The following LRRC9 variants were observed in gnomAD, a reference collection of about 807,000 sequenced individuals.
LRRC9 encodes leucine rich repeat containing 9, also known as leucine-rich repeat-containing protein 9.
LRRC9 carries 122 observed loss-of-function variants against 63.2 expected under a neutral mutation model. The observed-to-expected ratio is 1.93, with a 90% CI of 1.67 to 2.24. LRRC9 has a LOEUF of 2.24. Among genes scored for constraint, LRRC9 ranks in the 30% most tolerant of loss-of-function variants. LRRC9 has a pLI of 0.00. For missense variants in LRRC9, 1,071 were observed against 627.7 expected (o/e 1.71, Z -7.55); for synonymous variants, 366 against 213.1 (o/e 1.72, Z -6.25).
Position 59,958,767 on chromosome 14 carries a change from G to A in LRRC9, c.883-1051G>A, listed in dbSNP as rs566412671. Among the ~76,000 whole-genome samples, 3 of 152,332 alleles carry A rather than the reference G, an allele frequency of 2.0e-5. No individual in the cohort carries two copies. Among genetic ancestry groups the A allele is most frequent in the Non-Finnish European group, 4.4e-5 (3 of 68,028 alleles). On this transcript the variant is annotated intron_variant, in intron 8 of 31. Coordinates refer to ENST00000445360, the Ensembl canonical transcript of LRRC9. The surrounding 1 kb of genome is among the most constrained non-coding windows in gnomAD (Gnocchi z 4.0). ...AGCCCTGGTGGTATAGGCACACGAGGGAATCTCCTGATCTGCAGATTGCAA... is the reference window on the plus strand; with the variant it reads ...AGCCCTGGTGGTATAGGCACACGAGAGAATCTCCTGATCTGCAGATTGCAA...
rs925344976 is a variant in LRRC9 at position 59,966,855 on chromosome 14, T to C, written c.1388+90T>C. On this transcript the variant is annotated intron_variant, in intron 11 of 31. Coordinates refer to ENST00000445360, the Ensembl canonical transcript of LRRC9. The surrounding 1 kb of genome is among the most constrained non-coding windows in gnomAD (Gnocchi z 4.0). ...TTTTAAAAGTTTACAGCATTAAAAA[T>C]ATACATATACCTTGTTAGTAAATGT... The C allele has an allele frequency of 2.1e-5, 12 of 566,016 alleles. No individual in the cohort carries two copies. Among genetic ancestry groups the C allele is most frequent in the Non-Finnish European group, 3.2e-5 (10 of 317,140 alleles). The allele number at this position is 566,016 out of a possible 1,614,324, so 35.1% of individuals were successfully genotyped here.
chr14:59,927,970 A>G lies in LRRC9; in HGVS notation c.27A>G (p.Gln9=). 1.5e-6 allele frequency: 1 copy of G among 686,198 alleles called. No individual in the cohort carries two copies. The highest frequency in any genetic ancestry group is 2.6e-6 in the Non-Finnish European group (1 of 377,918). 42.5% of individuals were successfully genotyped at this position (686,198 alleles called of 1,614,324 possible). A position where few individuals can be genotyped will look rare whatever the true frequency, so the allele number is the denominator to read the frequency against. The change falls in exon 2 of 32, where the codon CAA becomes CAG. Residue 9 remains glutamine (Q), a synonymous_variant. Transcript: ENST00000445360. The surrounding 1 kb of genome is among the most constrained non-coding windows in gnomAD (Gnocchi z 4.4). ...TGATTGAAAGTGAAAACCTAAACCA[A>G]GAAGAAATAATTAAAGAACTGGTGA...
At chr14:59,943,783 C>T (rs150665) in intron 7 of LRRC9, among the ~76,000 whole-genome samples, 20,724 of 151,796 alleles carry the variant, frequency 0.14, 1,709 homozygotes, top group South Asian at 0.26. Flanking sequence ...CTTGATTATC[C>T]ACTCCATACT....
At chr14:59,947,219 T>C (rs1424076402) in intron 8 of LRRC9, among the ~76,000 whole-genome samples, 3 of 150,970 alleles carry the variant, frequency 2.0e-5, no homozygotes, top group Non-Finnish European at 4.4e-5. Context: ...TGAGATGATA[T>C]CTCATAGTGG....
At chr14:60,029,995 TTC>T (rs1891865733) in intron 28 of LRRC9, among the ~76,000 whole-genome samples, 1 of 152,118 alleles carries the variant, frequency 6.6e-6, no homozygotes, top group Non-Finnish European at 1.5e-5. Context: ...ATGTTGGAAA[TTC>T]TGTTGAATTC....
At chr14:60,021,838 T>C (rs1891139556) in intron 26 of LRRC9, among the ~76,000 whole-genome samples, 1 of 151,894 alleles carries the variant, frequency 6.6e-6, no homozygotes, top group East Asian at 1.9e-4. Flanking sequence ...GTTCCATTGA[T>C]CTGTATGTCT....
At chr14:60,041,051 GA>G (rs1384808028) in intron 29 of LRRC9, among the ~76,000 whole-genome samples, 1 of 151,914 alleles carries the variant, frequency 6.6e-6, no homozygotes, top group Non-Finnish European at 1.5e-5. Context: ...ATTCTGGGTT[GA>G]AAATTGTTTT....
At chr14:59,978,204 C>A (rs779372509) in intron 15 of LRRC9, 72 bp downstream of exon 15, 2 of 664,210 alleles carry the variant, frequency 3.0e-6, no homozygotes, top group South Asian at 3.2e-5. Context: ...AATTTGAAGT[C>A]GAATAATGCT....
intron 3 of LRRC9, among the ~76,000 whole-genome samples, chr14:59,929,653 A>G (rs1889521664): frequency 6.6e-6 from 1 of 152,200 alleles, no homozygotes; most frequent in African/African-American, 2.4e-5. Flanking sequence ...AGTATTCACT[A>G]GCAAAGACAT....
chr14:59,981,882 A>G (rs1330236984), exon 16 of LRRC9: 2 of 701,488 alleles, frequency 2.9e-6, no homozygotes, highest in African/African-American at 3.5e-5. Flanking sequence ...GTATTCAACA[A>G]TGTTATTCTA....
chr14:59,974,477 T>G, intron 12 of LRRC9, 99 bp from the exon 13 acceptor site: 1 of 434,310 alleles, frequency 2.3e-6, no homozygotes, highest in Non-Finnish European at 4.1e-6. Context: ...GCAGATTTCT[T>G]TGCCCAGACA....
At chr14:59,969,829 T>C (rs1230595836) in intron 12 of LRRC9, among the ~76,000 whole-genome samples, 1 of 152,170 alleles carries the variant, frequency 6.6e-6, no homozygotes, top group Non-Finnish European at 1.5e-5. Context: ...GCAAAGAGTA[T>C]CACGTATTCA....
At chr14:60,055,860 G>A (rs118148776) in intron 30 of LRRC9, among the ~76,000 whole-genome samples, 3,178 of 150,748 alleles carry the variant, frequency 0.021, 60 homozygotes, top group South Asian at 0.05. Context: ...AGCCAAGATC[G>A]TGCCAATGCA....
At chr14:60,008,106 G>T (rs1047025780) in exon 23 of LRRC9, 1 of 694,900 alleles carries the variant, frequency 1.4e-6, no homozygotes, top group African/African-American at 1.8e-5. Flanking sequence ...TATGCAACTT[G>T]GTCATTCTAG....
chr14:59,967,955 C>A (rs1323102645), intron 12 of LRRC9, among the ~76,000 whole-genome samples: 2 of 152,072 alleles, frequency 1.3e-5, no homozygotes, highest in South Asian at 2.1e-4. Flanking sequence ...TTAAAAATTT[C>A]TTGGATATTG....
intron 19 of LRRC9, among the ~76,000 whole-genome samples, chr14:60,001,285 A>G (rs1889337547): frequency 6.6e-6 from 1 of 152,082 alleles, no homozygotes; most frequent in South Asian, 2.1e-4. Context: ...ATGTACCAGG[A>G]AACATGCACA....
At chr14:60,050,547 C>A (rs915920514) in intron 29 of LRRC9, among the ~76,000 whole-genome samples, 2 of 152,172 alleles carry the variant, frequency 1.3e-5, no homozygotes, top group African/African-American at 4.8e-5. Context: ...TTATTACCCA[C>A]CTTCTGAAGC....
intron 26 of LRRC9, among the ~76,000 whole-genome samples, chr14:60,022,255 TG>T (rs1362477872): frequency 6.6e-6 from 1 of 151,872 alleles, no homozygotes; most frequent in Non-Finnish European, 1.5e-5. Context: ...TTATACTTTG[TG>T]AAAAGAATTT....
chr14:59,957,713 T>C (rs1883914916), intron 8 of LRRC9, among the ~76,000 whole-genome samples: 1 of 152,214 alleles, frequency 6.6e-6, no homozygotes, highest in African/African-American at 2.4e-5. Context: ...AGAGGCATTC[T>C]GGTTTTTGGA....
Sources: gnomAD v4.1 joint callset for allele counts (sites outside exome capture counted in the v4.1 genomes callset) on GRCh38, gnomAD v4.1.1 for gene constraint, Gnocchi (gnomAD v3.1) non-coding constraint, MANE v1.5 for transcripts, NCBI Gene and HGNC (gene_info 2026-07-23, HGNC 2026-07-21) for gene names.